Variants in UBE3C observed in about 807,000 individuals in gnomAD.
The protein encoded by UBE3C is ubiquitin protein ligase E3C.
A neutral mutation model predicts 129.4 loss-of-function variants in UBE3C; 42 were observed. The ratio of observed to expected loss-of-function variants is 0.32; its 90% CI spans 0.25 to 0.42. UBE3C has a LOEUF of 0.42. UBE3C is among the 10% of genes least tolerant of loss of function. UBE3C has a pLI of 1.00. For missense variants in UBE3C, 1,049 were observed against 1,319.1 expected (o/e 0.80, Z 3.17); for synonymous variants, 510 against 492.4 (o/e 1.04, Z -0.47).
chr7:157,165,547 G>A (rs1332981453), intron 2 of UBE3C, among the ~76,000 whole-genome samples: 9 of 151,870 alleles, frequency 5.9e-5, no homozygotes, highest in African/African-American at 1.7e-4. Flanking sequence ...ACAGGTGCAC[G>A]CCACCGCACC....
intron 1 of UBE3C, among the ~76,000 whole-genome samples, chr7:157,163,416 G>A (rs1323823287): frequency 6.7e-6 from 1 of 149,252 alleles, no homozygotes; most frequent in Non-Finnish European, 1.5e-5. Flanking sequence ...GGAAAGAAAT[G>A]ATACCCAGAG....
intron 4 of UBE3C, among the ~76,000 whole-genome samples, 196 bp downstream of exon 4, chr7:157,170,646 G>C (rs149485047): frequency 1.3e-5 from 2 of 152,140 alleles, no homozygotes; most frequent in Non-Finnish European, 2.9e-5. Context: ...ACATAAAAAT[G>C]TGTATCCAAA....
rs79806701 is a variant in UBE3C, at chr7:157,225,288, A to G, written c.2101-119A>G. On this transcript the variant is annotated intron_variant, in intron 16 of 22. Transcript: ENST00000348165. The stretch of plus-strand genomic sequence containing the variant: ...AAAATCAAGATTTGATACCTTGACT[A>G]TTAGCATTTATTTCAGAATTTATGA... 7.3e-5 allele frequency: 85 copies of G among 1,159,672 alleles called. No individual in the cohort carries two copies. The African/African-American group carries it at 1.2e-3, about 17-fold the overall frequency. The allele number at this position is 1,159,672 out of a possible 1,614,324, so 71.8% of individuals were successfully genotyped here. A position where few individuals can be genotyped will look rare whatever the true frequency, so the allele number is the denominator to read the frequency against.
At chr7:157,256,352 A>G (rs540209971) in intron 21 of UBE3C, among the ~76,000 whole-genome samples, 2 of 152,246 alleles carry the variant, frequency 1.3e-5, no homozygotes, top group African/African-American at 2.4e-5. Context: ...CATGTTGGCC[A>G]GGCTGCTCTC....
At chr7:157,260,290 G>T (rs901754909) in intron 22 of UBE3C, among the ~76,000 whole-genome samples, 7 of 152,178 alleles carry the variant, frequency 4.6e-5, no homozygotes, top group African/African-American at 1.4e-4. Context: ...GAAAGAAAAA[G>T]ACTTTGAGAC....
In UBE3C at chr7:157,268,240, A is replaced by AT. The variant is rs903735099; in HGVS notation, c.*495dup. ...AAGCCTCATTATTAAAACTGAAGGC[A>AT]TTTTTTTTTTCTGCTGCCTTTCCCA... On this transcript the variant is annotated 3_prime_UTR_variant, in exon 23 of 23. Coordinates refer to ENST00000348165, the MANE Select transcript of UBE3C (RefSeq NM_014671.3). The AT allele has an allele frequency of 3.8e-4, 57 of 150,214 alleles. No homozygotes were observed. The highest frequency in any genetic ancestry group is 4.9e-4 in the Non-Finnish European group (33 of 67,448). The allele number at this position is 150,214 out of a possible 1,614,324, so 9.3% of individuals were successfully genotyped here.
At chr7:157,265,587 C>T (rs1797054417) in intron 22 of UBE3C, among the ~76,000 whole-genome samples, 1 of 152,184 alleles carries the variant, frequency 6.6e-6, no homozygotes, top group Non-Finnish European at 1.5e-5. Flanking sequence ...ACACGTCGTG[C>T]CGCGCGTGTG....
intron 1 of UBE3C, among the ~76,000 whole-genome samples, chr7:157,143,024 C>T (rs1366310978): frequency 4.6e-5 from 7 of 151,986 alleles, no homozygotes; most frequent in African/African-American, 1.7e-4. Flanking sequence ...TGCACCACCA[C>T]GTCTGGCTAA....
At chr7:157,176,357 C>T (rs1250523822) in intron 5 of UBE3C, among the ~76,000 whole-genome samples, 1 of 152,148 alleles carries the variant, frequency 6.6e-6, no homozygotes, top group Non-Finnish European at 1.5e-5. Flanking sequence ...TCACTGCAAC[C>T]ACTGCCTCCT....
At chr7:157,187,381 G>GGTT (rs1554427007) in intron 10 of UBE3C, among the ~76,000 whole-genome samples, 2 of 142,936 alleles carry the variant, frequency 1.4e-5, no homozygotes, top group Non-Finnish European at 3.0e-5. Context: ...GTTTTATGGG[G>GGTT]TTTTTTTTTT....
rs548593479 is a variant in UBE3C, at chr7:157,178,850, A to G, written c.616+3A>G. The stretch of plus-strand genomic sequence containing the variant: ...TTTGCACTACATGATTCACAATGGT[A>G]AGTAGTAGGCAGGATCAGAACTGTG... On this transcript the variant is annotated splice_donor_region_variant and intron_variant, in intron 6 of 22. Coordinates refer to ENST00000348165, the MANE Select transcript of UBE3C (RefSeq NM_014671.3). The G allele has an allele frequency of 5.6e-6, 9 of 1,613,956 alleles. No homozygotes were observed. Among genetic ancestry groups the G allele is most frequent in the Non-Finnish European group, 7.6e-6 (9 of 1,179,898 alleles).
intron 22 of UBE3C, among the ~76,000 whole-genome samples, chr7:157,259,304 T>C (rs554230735): frequency 1.3e-5 from 2 of 152,356 alleles, no homozygotes; most frequent in African/African-American, 2.4e-5. Context: ...TTGCATTTAA[T>C]TGGCGTGCTC....
At chr7:157,201,957 A>G (rs1809297675) in intron 11 of UBE3C, 150 bp downstream of exon 11, 7 of 634,740 alleles carry the variant, frequency 1.1e-5, no homozygotes, top group Non-Finnish European at 1.9e-5. Context: ...CAGTTGCACA[A>G]AAAGAAAAAT....
chr7:157,197,543 CTTA>C (rs1174635664), intron 10 of UBE3C: 6 of 1,064,296 alleles, frequency 5.6e-6, no homozygotes, highest in Non-Finnish European at 6.8e-6. Flanking sequence ...AGGTATTGTC[CTTA>C]TTAATACGAC....
intron 13 of UBE3C, among the ~76,000 whole-genome samples, chr7:157,214,026 A>G (rs946240651): frequency 2.6e-5 from 4 of 152,160 alleles, no homozygotes; most frequent in South Asian, 2.1e-4. Flanking sequence ...AGTGCCGTCT[A>G]TCTTGATATC....
At chr7:157,222,762 A>G (rs1795773613) in intron 15 of UBE3C, 1 of 152,820 alleles carries the variant, frequency 6.5e-6, no homozygotes. Context: ...TTGGAAAGGA[A>G]TGGGATATGT....
intron 9 of UBE3C, among the ~76,000 whole-genome samples, chr7:157,184,696 CAG>C (rs1045967186): frequency 6.6e-6 from 1 of 152,148 alleles, no homozygotes; most frequent in African/African-American, 2.4e-5. Context: ...GAGAGGGTCT[CAG>C]GGCTTCCAGG....
chr7:157,192,483 A>T, intron 10 of UBE3C: 1 of 756,740 alleles, frequency 1.3e-6, no homozygotes, highest in Middle Eastern at 3.7e-4. Context: ...ATTCCTCCTG[A>T]TCAGCAAAGA....
intron 1 of UBE3C, among the ~76,000 whole-genome samples, chr7:157,158,951 T>C (rs536322079): frequency 1.6e-4 from 24 of 152,352 alleles, no homozygotes; most frequent in African/African-American, 5.5e-4. Context: ...TGCTCCCTTT[T>C]TGTATTGAAA....
Sources: allele counts gnomAD v4.1 joint callset (sites outside exome capture counted in the v4.1 genomes callset), GRCh38; gene constraint gnomAD v4.1.1; transcripts MANE v1.5; gene names NCBI Gene and HGNC (gene_info 2026-07-23, HGNC 2026-07-21).